The following NCOA5 variants were observed in gnomAD, a reference collection of about 807,000 sequenced individuals.
The protein encoded by NCOA5 is nuclear receptor coactivator 5, also known as NCoA-5.
In NCOA5, 12 loss-of-function variants were observed where a neutral mutation model predicts 59.0. That is an observed-to-expected ratio of 0.20 (90% CI 0.13 to 0.33). The LOEUF is 0.33. NCOA5 is among the 10% of genes least tolerant of loss of function. NCOA5 has a pLI of 1.00. For missense variants in NCOA5, 655 were observed against 766.6 expected, an observed-to-expected ratio of 0.85 and a Z score of 1.72; for synonymous variants, 270 against 275.5, an observed-to-expected ratio of 0.98 and a Z score of 0.20.
At chr20:46,068,928 C>T (rs561552192) in intron 3 of NCOA5, among the ~76,000 whole-genome samples, 9 of 152,180 alleles carry the variant, frequency 5.9e-5, no homozygotes, top group South Asian at 2.1e-4. Flanking sequence ...TATATCTAAA[C>T]GCATATAACA....
In NCOA5 at chr20:46,079,578, T is replaced by C. The variant is rs2084970462; in HGVS notation, c.-29-125A>G. 7 of 772,494 alleles carry C rather than the reference T, an allele frequency of 9.1e-6. No individual in the cohort carries two copies. In the East Asian group the frequency reaches 1.9e-4, roughly 21 times the overall value. The allele number at this position is 772,494 out of a possible 1,614,324, so 47.9% of individuals were successfully genotyped here. On this transcript the variant is annotated intron_variant, in intron 1 of 7. Coordinates refer to ENST00000290231, the MANE Select transcript of NCOA5 (RefSeq NM_020967.3). ...CAACCAGATGGTGTAAGAAAAGCCA[T>C]TCAGCAGAGACACACTGTCACTTGG...
At chr20:46,071,971 TCCC>T (rs1038546781) in intron 2 of NCOA5, among the ~76,000 whole-genome samples, 2 of 152,136 alleles carry the variant, frequency 1.3e-5, no homozygotes, top group African/African-American at 4.8e-5. Flanking sequence ...CTCTTGATCT[TCCC>T]CAACAACCAT....
chr20:46,066,539 C>A (rs1450299540), intron 5 of NCOA5, among the ~76,000 whole-genome samples: 1 of 152,192 alleles, frequency 6.6e-6, no homozygotes, highest in African/African-American at 2.4e-5. Context: ...CATGACTTAG[C>A]CCTGGCCAAT....
chr20:46,075,784 G>A (rs1215741750), intron 2 of NCOA5, among the ~76,000 whole-genome samples: 1 of 152,192 alleles, frequency 6.6e-6, no homozygotes, highest in African/African-American at 2.4e-5. Context: ...ATCGATGCTT[G>A]ACAACTTGCA....
At chr20:46,082,437 A>G (rs2085001477) in intron 1 of NCOA5, among the ~76,000 whole-genome samples, 1 of 152,170 alleles carries the variant, frequency 6.6e-6, no homozygotes, top group Non-Finnish European at 1.5e-5. Flanking sequence ...AAATTAATCA[A>G]CAAGAGGGAA....
At chr20:46,074,532 G>C (rs1256130902) in intron 2 of NCOA5, among the ~76,000 whole-genome samples, 1 of 152,250 alleles carries the variant, frequency 6.6e-6, no homozygotes, top group South Asian at 2.1e-4. Flanking sequence ...CTAAAATTCT[G>C]CTGTAAATTC....
chr20:46,086,685 C>CA (rs944337886), intron 1 of NCOA5, among the ~76,000 whole-genome samples: 2 of 152,020 alleles, frequency 1.3e-5, no homozygotes, highest in African/African-American at 4.8e-5. Context: ...TATTTTTGCA[C>CA]AAAAAAGCTG....
In NCOA5 at chr20:46,062,371, G is replaced by A; in HGVS notation, c.1669C>T (p.Leu557=). ...LIQSGPALSH[L]VSQTTAQMGQ... is the part of the protein sequence containing the mutation. ...ATCTGTGCTGTGGTCTGGCTAACCA[G>A]GTGGGAGAGAGCAGGGCCACTCTGG... The change falls in exon 8 of 8, where the codon CTG becomes TTG. Residue 557 remains leucine, a synonymous_variant. Transcript: ENST00000290231. 6.2e-7 allele frequency: 1 copy of A among 1,614,166 alleles called. No individual in the cohort carries two copies. The highest frequency in any genetic ancestry group is 1.1e-5 in the South Asian group (1 of 91,062).
rs1039753621 is a variant in NCOA5, at chr20:46,061,793, G to C, written c.*507C>G. 2.0e-5 allele frequency: 3 copies of C among 152,772 alleles called. No homozygotes were observed. Among genetic ancestry groups the C allele is most frequent in the African/African-American group, 7.2e-5 (3 of 41,426 alleles). 9.5% of individuals were successfully genotyped at this position (152,772 alleles called of 1,614,324 possible). ...ATCCTCAAGCAGACCCCAAACATAT[G>C]GGGTGAGGGTATGATGACACTGTGC... On this transcript the variant is annotated 3_prime_UTR_variant, in exon 8 of 8. Coordinates refer to ENST00000290231, the MANE Select transcript of NCOA5 (RefSeq NM_020967.3).
At position 46,089,910 on chromosome 20, in the gene NCOA5, G is replaced by C. The variant is rs1378018669; in HGVS notation, c.-123C>G. The C allele has an allele frequency of 2.0e-5, 3 of 152,196 alleles. No individual in the cohort carries two copies. Among genetic ancestry groups the C allele is most frequent in the Non-Finnish European group, 2.9e-5 (2 of 68,044 alleles). The allele number at this position is 152,196 out of a possible 1,614,324, so 9.4% of individuals were successfully genotyped here. A position where few individuals can be genotyped will look rare whatever the true frequency, so the allele number is the denominator to read the frequency against. ...CCCACCTGCCCGCCGTAGGACAAAG[G>C]CGCCACCAACCGACCGGCGCGGGCA... On this transcript the variant is annotated 5_prime_UTR_variant, in exon 1 of 8. Transcript: ENST00000290231.
chr20:46,086,308 T>C (rs1346361352), intron 1 of NCOA5, among the ~76,000 whole-genome samples: 1 of 152,252 alleles, frequency 6.6e-6, no homozygotes, highest in Non-Finnish European at 1.5e-5. Context: ...CTGATTCTTA[T>C]GAGGTGAACT....
At chr20:46,079,281 C>T (rs2084968326) in intron 2 of NCOA5, 106 bp downstream of exon 2, 5 of 1,039,144 alleles carry the variant, frequency 4.8e-6, no homozygotes, top group South Asian at 1.3e-5. Flanking sequence ...TTTGCTTGAG[C>T]GTTTCACTTG....
intron 2 of NCOA5, among the ~76,000 whole-genome samples, chr20:46,077,615 T>C (rs759304081): frequency 3.3e-5 from 5 of 152,154 alleles, no homozygotes; most frequent in Non-Finnish European, 5.9e-5. Context: ...AGGGGTAGGA[T>C]TTTACTAGCG....
chr20:46,062,625 T>A lies in NCOA5; in HGVS notation c.1415A>T (p.Gln472Leu). The change falls in exon 8 of 8, where the codon CAG (glutamine) becomes CTG (leucine). Residue 472 changes from glutamine (Q) to leucine (L), a missense_variant. Around this residue, in one of 3 missense-constraint regions of NCOA5, gnomAD observed 325 missense variants for 353.2 expected, o/e 0.92. Transcript: ENST00000290231. ...NQNFSTAANS[Q>L]PQQRSQASGN... ...AGAAGCCTGTGATCTTTGTTGAGGC[T>A]GGCTGTTTGCTGCTGTGGAAAAATT... 6.2e-7 allele frequency: 1 copy of A among 1,614,216 alleles called. No homozygotes were observed. The highest frequency in any genetic ancestry group is 2.2e-5 in the East Asian group (1 of 44,882).
At chr20:46,085,770 A>T in intron 1 of NCOA5, among the ~76,000 whole-genome samples, 1 of 152,202 alleles carries the variant, frequency 6.6e-6, no homozygotes. Flanking sequence ...ATGGACAAGG[A>T]AGAATCTAGT....
At chr20:46,089,593 T>G (rs1009361056) in intron 1 of NCOA5, among the ~76,000 whole-genome samples, 1 of 151,818 alleles carries the variant, frequency 6.6e-6, no homozygotes, top group Non-Finnish European at 1.5e-5. Flanking sequence ...CAGAGAACCG[T>G]AGGCCGCCTC....
intron 4 of NCOA5, 21 bp downstream of exon 4, chr20:46,068,481 A>G: frequency 6.2e-7 from 1 of 1,603,480 alleles, no homozygotes. Flanking sequence ...TAATAGGAAT[A>G]GACTGTTTCA....
In NCOA5 at chr20:46,070,282, T is replaced by A. The variant is rs771108241; in HGVS notation, c.293A>T (p.Asp98Val). ...CATGGGGTCTCGCTGATCTCGAAAA[T>A]CCCTAGAGTCTCTTAGATCACGAAA... ...RDFRDLRDSR[D>V]FRDQRDPMYD... Residue 98 changes from aspartate (D) to valine (V), a missense_variant, in exon 3 of 8, where the codon GAT becomes GTT. Physicochemically the swap from Asp to Val is radical, Grantham distance 152. This residue lies in a region of NCOA5 where 250 missense variants were observed against 260.1 expected (regional missense o/e 0.96). Transcript: ENST00000290231. 24 of 1,613,804 alleles carry A rather than the reference T, an allele frequency of 1.5e-5. No homozygotes were observed. Among genetic ancestry groups the A allele is most frequent in the Non-Finnish European group, 2.0e-5 (24 of 1,180,020 alleles).
Position 46,062,442 on chromosome 20 carries a change from A to C in NCOA5, c.1598T>G (p.Ile533Ser), listed in dbSNP as rs374845544. Residue 533 changes from isoleucine (I) to serine (S), a missense_variant, in exon 8 of 8, where the codon ATC (isoleucine) becomes AGC (serine). Ile to Ser is a moderately radical substitution (Grantham distance 142). Coordinates refer to ENST00000290231, the MANE Select transcript of NCOA5 (RefSeq NM_020967.3). ...TSQRPVSSTG[I>S]NFDNPSVQKA... is the part of the protein sequence containing the mutation. The stretch of plus-strand genomic sequence containing the variant: ...CTGTACACTTGGATTGTCAAAGTTG[A>C]TACCTGTGGAAGACACAGGCCTCTG... 6.2e-7 allele frequency: 1 copy of C among 1,614,140 alleles called. No individual in the cohort carries two copies. Among genetic ancestry groups the C allele is most frequent in the Non-Finnish European group, 8.5e-7 (1 of 1,180,018 alleles).
Sources: gnomAD v4.1 joint callset for allele counts (sites outside exome capture counted in the v4.1 genomes callset) on GRCh38, gnomAD v4.1.1 for gene constraint, gnomAD v4.1.1 regional missense constraint, MANE v1.5 for transcripts, NCBI Gene and HGNC (gene_info 2026-07-23, HGNC 2026-07-21) for gene names.